PPFIBP1: variants seen among roughly 807,000 people sequenced by gnomAD.
The protein encoded by PPFIBP1 is PPFIB scaffold protein 1, also known as liprin-beta-1.
A neutral mutation model predicts 137.8 loss-of-function variants in PPFIBP1; 112 were observed. That is an observed-to-expected ratio of 0.81 (90% confidence interval 0.70 to 0.95). PPFIBP1 has a LOEUF of 0.95. Ranked by LOEUF, PPFIBP1 falls within the 40% of genes least tolerant of loss-of-function variation. The pLI is 0.00. For synonymous variants in PPFIBP1, 378 were observed against 417.3 expected (o/e 0.91, Z 1.15); for missense variants, 1,083 against 1,196.6 (o/e 0.91, Z 1.40).
chr12:27,672,389 G>A (rs367718095), intron 14 of PPFIBP1, 38 bp from the exon 15 acceptor site: 30 of 1,515,400 alleles, frequency 2.0e-5, no homozygotes, highest in African/African-American at 1.9e-4. Flanking sequence ...TCTTTTATTC[G>A]TGAAGTTAAT....
intron 2 of PPFIBP1, among the ~76,000 whole-genome samples, chr12:27,622,266 GC>G (rs140736071): frequency 6.6e-6 from 1 of 151,920 alleles, no homozygotes; most frequent in Non-Finnish European, 1.5e-5. Context: ...TGGCCAGTTT[GC>G]CCCCCCAGAG....
chr12:27,603,333 G>A (rs1177789493), intron 2 of PPFIBP1, among the ~76,000 whole-genome samples: 1 of 152,174 alleles, frequency 6.6e-6, no homozygotes, highest in African/African-American at 2.4e-5. Flanking sequence ...TATGTGGGAT[G>A]TTCTGTAAAT....
intron 1 of PPFIBP1, among the ~76,000 whole-genome samples, chr12:27,529,700 T>C (rs186608352): frequency 8.1e-4 from 123 of 152,154 alleles, no homozygotes; most frequent in Non-Finnish European, 1.5e-3. Flanking sequence ...TCTAAAATAA[T>C]AATAATAGTA....
chr12:27,668,225 G>A (rs1356014336), intron 13 of PPFIBP1, among the ~76,000 whole-genome samples: 2 of 152,152 alleles, frequency 1.3e-5, no homozygotes, highest in Non-Finnish European at 2.9e-5. Context: ...AGACCAGGTC[G>A]AGATGTGGGT....
intron 2 of PPFIBP1, among the ~76,000 whole-genome samples, chr12:27,609,624 C>A (rs2054877037): frequency 6.6e-6 from 1 of 152,158 alleles, no homozygotes; most frequent in Non-Finnish European, 1.5e-5. Flanking sequence ...CAACCCTGTA[C>A]TTAAGACCCT....
chr12:27,569,478 C>G (rs920719017), intron 1 of PPFIBP1, among the ~76,000 whole-genome samples: 1 of 152,144 alleles, frequency 6.6e-6, no homozygotes, highest in Non-Finnish European at 1.5e-5. Flanking sequence ...CCCACTGGCT[C>G]TCTGTCAAAA....
intron 4 of PPFIBP1, among the ~76,000 whole-genome samples, chr12:27,637,670 C>CA (rs886994327): frequency 6.6e-6 from 1 of 151,794 alleles, no homozygotes; most frequent in African/African-American, 2.4e-5. Context: ...CAGCAAAAGG[C>CA]AAAAAACAAA....
intron 20 of PPFIBP1, 68 bp downstream of exon 20, chr12:27,679,707 GGTATGGACTTT>G (rs1324785091): frequency 6.5e-7 from 1 of 1,538,738 alleles, no homozygotes; most frequent in Non-Finnish European, 8.9e-7. Flanking sequence ...GCTGGACATG[GGTATGGACTTT>G]GTAAGGCCTT....
intron 17 of PPFIBP1, among the ~76,000 whole-genome samples, chr12:27,674,995 G>GTT (rs1229577286): frequency 7.2e-6 from 1 of 138,786 alleles, no homozygotes; most frequent in Non-Finnish European, 1.6e-5. Context: ...TTTTTCGTTT[G>GTT]TTTTTTTTTT....
chr12:27,688,938 G>T, intron 26 of PPFIBP1, 77 bp from the exon 27 acceptor site: 1 of 1,462,318 alleles, frequency 6.8e-7, no homozygotes, highest in Non-Finnish European at 9.2e-7. Context: ...AGAAAGCTTT[G>T]CAAATTATAA....
intron 13 of PPFIBP1, among the ~76,000 whole-genome samples, chr12:27,670,794 A>AAATAAT (rs1555238677): frequency 7.2e-6 from 1 of 139,420 alleles, no homozygotes; most frequent in Admixed American, 7.2e-5. Context: ...AAAAAAAAAA[A>AAATAAT]AATAATAATA....
chr12:27,674,325 A>G, intron 17 of PPFIBP1, 104 bp downstream of exon 17: 1 of 733,092 alleles, frequency 1.4e-6, no homozygotes, highest in Non-Finnish European at 2.2e-6. Flanking sequence ...CCTCTAGAAC[A>G]TTATGCTAAA....
At chr12:27,621,952 T>C (rs2056382722) in intron 2 of PPFIBP1, among the ~76,000 whole-genome samples, 1 of 152,198 alleles carries the variant, frequency 6.6e-6, no homozygotes, top group Non-Finnish European at 1.5e-5. Context: ...ATATGATCCA[T>C]TGTGATTAGA....
chr12:27,691,677 CAT>C (rs776189439), intron 27 of PPFIBP1, 70 bp from the exon 28 acceptor site: 200 of 1,284,294 alleles, frequency 1.6e-4, no homozygotes, highest in African/African-American at 2.1e-4. Flanking sequence ...AAAAAAATCA[CAT>C]GTTATCAGGC....
intron 2 of PPFIBP1, among the ~76,000 whole-genome samples, chr12:27,597,416 A>C (rs2053448415): frequency 1.3e-5 from 2 of 152,144 alleles, no homozygotes; most frequent in South Asian, 4.1e-4. Context: ...GGCTCCCCAA[A>C]GTGTTGGGAT....
chr12:27,615,802 C>A (rs2055682925), intron 2 of PPFIBP1, among the ~76,000 whole-genome samples: 2 of 152,116 alleles, frequency 1.3e-5, no homozygotes, highest in Non-Finnish European at 2.9e-5. Context: ...CAGGGACCAG[C>A]CACACTCCAA....
chr12:27,679,041 A>T (rs188813173), intron 19 of PPFIBP1, among the ~76,000 whole-genome samples: 1 of 152,076 alleles, frequency 6.6e-6, no homozygotes, highest in South Asian at 2.1e-4. Flanking sequence ...CATTTAGAAT[A>T]TAATCTTAAA....
At position 27,646,076 on chromosome 12, in the gene PPFIBP1, A is replaced by C; in HGVS notation, c.285A>C (p.Leu95=). The C allele has an allele frequency of 1.9e-6, 3 of 1,608,438 alleles. No individual in the cohort carries two copies. Among genetic ancestry groups the C allele is most frequent in the Non-Finnish European group, 1.7e-6 (2 of 1,175,844 alleles). ...TCCTTTTTCAGACAAATGGACACCTACCAGGGAACGGAGATGTGTATCAAG... is the reference window on the plus strand; with the variant it reads ...TCCTTTTTCAGACAAATGGACACCTCCCAGGGAACGGAGATGTGTATCAAG... ...WLQSQMTNGH[L]PGNGDVYQER... Residue 95 remains leucine (L), a synonymous_variant, in exon 5 of 30, where the codon CTA becomes CTC. Transcript: ENST00000228425.
intron 10 of PPFIBP1, among the ~76,000 whole-genome samples, chr12:27,660,531 C>T (rs1360299071): frequency 6.6e-6 from 1 of 152,190 alleles, no homozygotes; most frequent in Non-Finnish European, 1.5e-5. Context: ...CTTTCACGCA[C>T]TGCTTTATAG....
Sources: gnomAD v4.1 joint callset for allele counts (sites outside exome capture counted in the v4.1 genomes callset) on GRCh38, gnomAD v4.1.1 for gene constraint, MANE v1.5 for transcripts, NCBI Gene and HGNC (gene_info 2026-07-23, HGNC 2026-07-21) for gene names.